The following MGMT variants were observed in gnomAD, a reference collection of about 807,000 sequenced individuals.
The protein encoded by MGMT is methylated-DNA--protein-cysteine methyltransferase.
Under a neutral mutation model 15.9 loss-of-function variants are expected in MGMT, and 14 were observed. The ratio of observed to expected loss-of-function variants is 0.88; its 90% CI spans 0.58 to 1.37. MGMT has a LOEUF of 1.37. MGMT is among the 40% of genes most tolerant of loss of function. The pLI is 0.00. For missense variants in MGMT, 282 were observed against 268.1 expected, an observed-to-expected ratio of 1.05 and a Z score of -0.36; for synonymous variants, 130 against 118.2, an observed-to-expected ratio of 1.10 and a Z score of -0.65.
rs1008327986 is a variant in MGMT, at chr10:129,746,248, A to C, written c.275-12954A>C. 4.4e-4 allele frequency among the ~76,000 whole-genome samples: 67 copies of C among 151,312 alleles called. 1 individual carries two copies. The highest frequency in any genetic ancestry group is 1.5e-3 in the South Asian group (7 of 4,812). ...AGCGAGACTCTGTCTCAAAAAAAAA[A>C]AAAAAAACAAACAAAAAAAAACACC... is the stretch of plus-strand genomic sequence containing the variant. On this transcript the variant is annotated intron_variant, in intron 3 of 4. Coordinates refer to ENST00000651593, the MANE Select transcript of MGMT (RefSeq NM_002412.5).
At chr10:129,590,443 CTG>C (rs1037957645) in intron 2 of MGMT, among the ~76,000 whole-genome samples, 19 of 152,120 alleles carry the variant, frequency 1.2e-4, no homozygotes, top group Non-Finnish European at 2.4e-4. Flanking sequence ...AATAAAGAGA[CTG>C]GATACAATGT....
chr10:129,687,644 CA>C, intron 2 of MGMT, among the ~76,000 whole-genome samples: 1 of 151,550 alleles, frequency 6.6e-6, no homozygotes, highest in Admixed American at 6.6e-5. Context: ...GTGCATGTGT[CA>C]GGGGACAAAA....
intron 3 of MGMT, among the ~76,000 whole-genome samples, chr10:129,730,384 T>C (rs981917906): frequency 1.4e-4 from 21 of 152,222 alleles, no homozygotes; most frequent in Non-Finnish European, 2.5e-4. Flanking sequence ...ACTTTCATGT[T>C]GTTCGATAAC....
chr10:129,722,521 A>G (rs924389498), intron 3 of MGMT, among the ~76,000 whole-genome samples: 2 of 152,226 alleles, frequency 1.3e-5, no homozygotes, highest in Admixed American at 1.3e-4. Context: ...AGAATATTTA[A>G]AACAATCTTG....
intron 2 of MGMT, among the ~76,000 whole-genome samples, chr10:129,641,158 T>C (rs1056340651): frequency 2.6e-5 from 4 of 152,244 alleles, no homozygotes; most frequent in Admixed American, 1.3e-4. Flanking sequence ...CAAAAACCAA[T>C]TGCCTTTCTA....
intron 3 of MGMT, among the ~76,000 whole-genome samples, chr10:129,731,802 TGAG>T (rs1386003536): frequency 1.3e-5 from 2 of 152,204 alleles, no homozygotes; most frequent in Non-Finnish European, 2.9e-5. Context: ...GACAGACACT[TGAG>T]GAGAGTGGCA....
chr10:129,490,122 T>C (rs191340001), intron 1 of MGMT, among the ~76,000 whole-genome samples: 1 of 152,308 alleles, frequency 6.6e-6, no homozygotes, highest in Admixed American at 6.5e-5. Context: ...TTTTTTCTTA[T>C]TTTGCTTCCC....
intron 2 of MGMT, among the ~76,000 whole-genome samples, chr10:129,673,259 A>G (rs971470599): frequency 1.3e-5 from 2 of 152,096 alleles, no homozygotes; most frequent in Admixed American, 1.3e-4. Context: ...CACTCCTTTC[A>G]TAAAGCTGAG....
intron 2 of MGMT, among the ~76,000 whole-genome samples, chr10:129,658,385 A>G (rs1847556439): frequency 1.3e-5 from 2 of 152,212 alleles, no homozygotes; most frequent in Non-Finnish European, 2.9e-5. Context: ...GAGCAACACC[A>G]AAATGCTGAA....
intron 2 of MGMT, among the ~76,000 whole-genome samples, chr10:129,686,227 T>A (rs1024398807): frequency 2.6e-5 from 4 of 151,300 alleles, no homozygotes; most frequent in African/African-American, 7.3e-5. Flanking sequence ...AAAAAAAAAA[T>A]GTTATGCTAT....
intron 2 of MGMT, among the ~76,000 whole-genome samples, chr10:129,552,518 G>A (rs890642872): frequency 6.6e-6 from 1 of 152,244 alleles, no homozygotes; most frequent in Non-Finnish European, 1.5e-5. Flanking sequence ...ACATGTTCAC[G>A]TGAGTGTGTG....
At chr10:129,480,291 C>T (rs1263694095) in intron 1 of MGMT, among the ~76,000 whole-genome samples, 1 of 152,174 alleles carries the variant, frequency 6.6e-6, no homozygotes, top group African/African-American at 2.4e-5. Context: ...GTGGTAATTT[C>T]CTGAGGGTTT....
At chr10:129,546,382 A>T (rs1028106801) in intron 2 of MGMT, among the ~76,000 whole-genome samples, 1 of 152,214 alleles carries the variant, frequency 6.6e-6, no homozygotes, top group Non-Finnish European at 1.5e-5. Context: ...TGGGTGGTGA[A>T]CCAGGAGGCC....
At chr10:129,661,186 TTGAG>T (rs1847593137) in intron 2 of MGMT, among the ~76,000 whole-genome samples, 2 of 152,236 alleles carry the variant, frequency 1.3e-5, no homozygotes, top group Non-Finnish European at 2.9e-5. Context: ...TTTTCCCACT[TTGAG>T]TGGAAATTTA....
At chr10:129,665,837 T>C (rs1847652829) in intron 2 of MGMT, among the ~76,000 whole-genome samples, 1 of 152,238 alleles carries the variant, frequency 6.6e-6, no homozygotes, top group Non-Finnish European at 1.5e-5. Context: ...ACATGGCGAC[T>C]GAATACAACG....
chr10:129,527,250 G>A (rs1845880614), intron 1 of MGMT, among the ~76,000 whole-genome samples: 2 of 152,216 alleles, frequency 1.3e-5, no homozygotes, highest in African/African-American at 4.8e-5. Context: ...GGTACTCTCA[G>A]CAACACGGCT....
intron 3 of MGMT, among the ~76,000 whole-genome samples, chr10:129,727,508 C>G (rs12573565): frequency 0.55 from 82,992 of 152,040 alleles, 22,982 homozygotes; most frequent in Middle Eastern, 0.72. Context: ...TTTGGGGCCA[C>G]GAAGTTGGGG....
chr10:129,729,728 A>G (rs1430846455), intron 3 of MGMT, among the ~76,000 whole-genome samples: 1 of 152,214 alleles, frequency 6.6e-6, no homozygotes, highest in African/African-American at 2.4e-5. Context: ...CCCGTGGTAA[A>G]GAATAATTCA....
intron 1 of MGMT, among the ~76,000 whole-genome samples, chr10:129,482,575 G>T (rs532491499): frequency 1.5e-4 from 23 of 152,128 alleles, no homozygotes; most frequent in Non-Finnish European, 1.9e-4. Context: ...TGTTCTAAGT[G>T]ATTTCATTAG....
Sources: allele counts gnomAD v4.1 joint callset (sites outside exome capture counted in the v4.1 genomes callset), GRCh38; gene constraint gnomAD v4.1.1; transcripts MANE v1.5; gene names NCBI Gene and HGNC (gene_info 2026-07-23, HGNC 2026-07-21).